Variants in TMTC1 observed in about 807,000 individuals in gnomAD.
TMTC1 encodes the protein transmembrane O-mannosyltransferase targeting cadherins 1.
In TMTC1, 73 loss-of-function variants were observed where a neutral mutation model predicts 104.8. The ratio of observed to expected loss-of-function variants is 0.70; its 90% CI spans 0.58 to 0.85. The LOEUF is 0.85. Among genes scored for constraint, TMTC1 ranks in the 40% least tolerant of loss-of-function variants. The pLI, the probability that TMTC1 is intolerant of heterozygous loss-of-function variation, is 0.00. For missense variants in TMTC1, 1,035 were observed against 1,096.1 expected (o/e 0.94, Z 0.79); for synonymous variants, 434 against 428.7 (o/e 1.01, Z -0.15).
chr12:29,706,291 G>A (rs1565782863), intron 5 of TMTC1, among the ~76,000 whole-genome samples: 1 of 152,178 alleles, frequency 6.6e-6, no homozygotes. Flanking sequence ...AGAGATGTGT[G>A]CGTTTTCCTA....
chr12:29,589,107 C>T (rs746637363), intron 7 of TMTC1, among the ~76,000 whole-genome samples: 1 of 152,200 alleles, frequency 6.6e-6, no homozygotes, highest in African/African-American at 2.4e-5. Context: ...ATGTAAAGCC[C>T]CGATTTACTG....
At chr12:29,555,133 C>CT in intron 10 of TMTC1, among the ~76,000 whole-genome samples, 1 of 40,930 alleles carries the variant, frequency 2.4e-5, no homozygotes, top group Non-Finnish European at 4.7e-5. Context: ...GTTCCAACAT[C>CT]CTTTTTTTTT....
rs1943601948 is a variant in TMTC1 at position 29,501,849 on chromosome 12, A to G, written c.*4997T>C. ...TATCAGCCAATTGATTGTTATAAAG[A>G]TCTTATCAATTCTGTTGTGCCACTT... is the stretch of plus-strand genomic sequence containing the variant. On this transcript the variant is annotated 3_prime_UTR_variant, in exon 18 of 18. Transcript: ENST00000539277. 6.6e-6 allele frequency: 1 copy of G among 152,166 alleles called. No individual in the cohort carries two copies. Among genetic ancestry groups the G allele is most frequent in the African/African-American group, 2.4e-5 (1 of 41,442 alleles). 9.4% of individuals were successfully genotyped at this position (152,166 alleles called of 1,614,324 possible).
chr12:29,602,308 A>G (rs1167197912), intron 7 of TMTC1, among the ~76,000 whole-genome samples: 1 of 151,900 alleles, frequency 6.6e-6, no homozygotes, highest in Non-Finnish European at 1.5e-5. Flanking sequence ...CATCTGGCTA[A>G]GTTTTTGTTA....
At chr12:29,660,826 CT>C in intron 5 of TMTC1, 2 of 1,487,682 alleles carry the variant, frequency 1.3e-6, no homozygotes, top group Non-Finnish European at 1.8e-6. Context: ...CAAAATGGCC[CT>C]TTTTAAAAAT....
intron 5 of TMTC1, among the ~76,000 whole-genome samples, chr12:29,699,176 A>G (rs558748839): frequency 1.3e-5 from 2 of 152,326 alleles, no homozygotes; most frequent in South Asian, 4.1e-4. Flanking sequence ...CTCTTTTAAT[A>G]GAATTACATA....
intron 5 of TMTC1, among the ~76,000 whole-genome samples, chr12:29,695,648 G>T (rs113337509): frequency 0.022 from 3,413 of 151,766 alleles, 77 homozygotes; most frequent in Admixed American, 0.051. Context: ...CTTTTGGGGA[G>T]CCACTACTTA....
In TMTC1 at chr12:29,659,858, T is replaced by A. The variant is rs745636812; in HGVS notation, c.939-26522A>T. 5.3e-6 allele frequency: 8 copies of A among 1,499,024 alleles called. No individual in the cohort carries two copies. The South Asian group carries it at 6.4e-5, about 12-fold the overall frequency. 92.9% of individuals were successfully genotyped at this position (1,499,024 alleles called of 1,614,324 possible). A position where few individuals can be genotyped will look rare whatever the true frequency, so the allele number is the denominator to read the frequency against. ...AAATTATCTAATAAATACCAAGTTT[T>A]AAAAAAATTATTTATACTAACCTCG... On this transcript the variant is annotated intron_variant, in intron 5 of 17. Transcript: ENST00000539277.
At chr12:29,613,564 AAG>A (rs1245066981) in intron 6 of TMTC1, among the ~76,000 whole-genome samples, 1 of 152,204 alleles carries the variant, frequency 6.6e-6, no homozygotes, top group African/African-American at 2.4e-5. Flanking sequence ...CCTAGTGTGG[AAG>A]AGAGATAGGA....
chr12:29,569,705 C>T (rs543097838), intron 9 of TMTC1, among the ~76,000 whole-genome samples: 1 of 152,282 alleles, frequency 6.6e-6, no homozygotes, highest in African/African-American at 2.4e-5. Context: ...AACAAAAATA[C>T]CCACATCCGT....
intron 5 of TMTC1, among the ~76,000 whole-genome samples, chr12:29,663,308 C>T: frequency 6.6e-6 from 1 of 152,090 alleles, no homozygotes; most frequent in East Asian, 1.9e-4. Context: ...AAGAGAATGA[C>T]ACAGTGGAAA....
At chr12:29,733,841 T>A (rs1040426189) in intron 5 of TMTC1, among the ~76,000 whole-genome samples, 1 of 152,224 alleles carries the variant, frequency 6.6e-6, no homozygotes, top group South Asian at 2.1e-4. Flanking sequence ...TGTTTCAATA[T>A]CGCTCTGCTC....
chr12:29,702,578 A>G (rs1941625729), intron 5 of TMTC1, among the ~76,000 whole-genome samples: 1 of 152,292 alleles, frequency 6.6e-6, no homozygotes, highest in East Asian at 1.9e-4. Flanking sequence ...TTACAACCCA[A>G]TCTCAGAAAT....
chr12:29,695,908 C>T (rs930868397), intron 5 of TMTC1, among the ~76,000 whole-genome samples: 2 of 148,624 alleles, frequency 1.3e-5, no homozygotes, highest in African/African-American at 4.9e-5. Context: ...AGGAAGCAAC[C>T]TTCCCAGGAC....
chr12:29,541,439 T>C (rs1944793993), intron 10 of TMTC1, among the ~76,000 whole-genome samples: 2 of 152,198 alleles, frequency 1.3e-5, no homozygotes, highest in Admixed American at 1.3e-4. Flanking sequence ...ACTGTCTATG[T>C]TTTGGCTTTT....
intron 5 of TMTC1, among the ~76,000 whole-genome samples, chr12:29,733,001 T>A (rs1942583804): frequency 6.6e-6 from 1 of 152,184 alleles, no homozygotes; most frequent in Admixed American, 6.5e-5. Flanking sequence ...CTCCTATATA[T>A]ACTGAGCTTC....
chr12:29,697,806 T>C (rs1256506989), intron 5 of TMTC1, among the ~76,000 whole-genome samples: 2 of 152,214 alleles, frequency 1.3e-5, no homozygotes, highest in Non-Finnish European at 2.9e-5. Context: ...TTCAACTGAT[T>C]GGATGAGGTC....
intron 9 of TMTC1, among the ~76,000 whole-genome samples, chr12:29,558,235 C>T (rs1022923983): frequency 6.6e-6 from 1 of 152,078 alleles, no homozygotes; most frequent in Non-Finnish European, 1.5e-5. Context: ...TTGAATAAGC[C>T]GGTAGAGCTG....
intron 6 of TMTC1, among the ~76,000 whole-genome samples, chr12:29,630,521 G>A (rs1462704899): frequency 1.3e-5 from 2 of 152,172 alleles, no homozygotes; most frequent in Non-Finnish European, 2.9e-5. Flanking sequence ...TGGGGACACA[G>A]CCAAACCATG....
Sources: gnomAD v4.1 joint callset for allele counts (sites outside exome capture counted in the v4.1 genomes callset) on GRCh38, gnomAD v4.1.1 for gene constraint, MANE v1.5 for transcripts, NCBI Gene and HGNC (gene_info 2026-07-23, HGNC 2026-07-21) for gene names.